The following EIF4ENIF1 variants were observed in gnomAD, a reference collection of about 807,000 sequenced individuals.
The protein encoded by EIF4ENIF1 is eukaryotic translation initiation factor 4E nuclear import factor 1.
EIF4ENIF1 carries 23 observed loss-of-function variants against 110.5 expected under a neutral mutation model. The ratio of observed to expected loss-of-function variants is 0.21; its 90% CI spans 0.15 to 0.29. EIF4ENIF1 has a LOEUF of 0.29. Among genes scored for constraint, EIF4ENIF1 ranks in the 10% least tolerant of loss-of-function variants. The pLI is 1.00. For missense variants in EIF4ENIF1, 1,031 were observed against 1,221.1 expected, an observed-to-expected ratio of 0.84 and a Z score of 2.32; for synonymous variants, 440 against 437.0, an observed-to-expected ratio of 1.01 and a Z score of -0.09.
intron 4 of EIF4ENIF1, among the ~76,000 whole-genome samples, chr22:31,466,523 A>G (rs1166452294): frequency 1.3e-5 from 2 of 151,720 alleles, no homozygotes; most frequent in Non-Finnish European, 1.5e-5. Context: ...CAGAGGTTGC[A>G]GTAAGCAGAG....
chr22:31,440,382 G>A (rs2050253720), intron 18 of EIF4ENIF1, among the ~76,000 whole-genome samples: 1 of 152,120 alleles, frequency 6.6e-6, no homozygotes, highest in South Asian at 2.1e-4. Context: ...CATCACAGAA[G>A]CAGCAACATG....
Position 31,449,482 on chromosome 22 carries a change from C to G in EIF4ENIF1, c.1634G>C (p.Ser545Thr), listed in dbSNP as rs748652326. 9 of 1,614,082 alleles carry G rather than the reference C, an allele frequency of 5.6e-6. No individual in the cohort carries two copies. The Admixed American group carries it at 1.2e-4, about 21-fold the overall frequency. Residue 545 changes from serine to threonine, a missense_variant, in exon 12 of 19, where the codon AGT becomes ACT. Ser to Thr is a moderately conservative substitution (Grantham distance 58, BLOSUM62 1). Transcript: ENST00000330125. The stretch of plus-strand genomic sequence containing the variant: ...AGGCTCCAAGCTCCCCATAAGGCCA[C>G]TCAGAAGATTGGAAGAAGCAGGTCT... ...VQRPASSNLL[S>T]GLMGSLEPTT...
intron 4 of EIF4ENIF1, 125 bp from the exon 5 acceptor site, chr22:31,464,092 G>T: frequency 7.8e-7 from 1 of 1,285,934 alleles, no homozygotes. Flanking sequence ...ACTAAAATTG[G>T]GCTTATCAGC....
At position 31,446,881 on chromosome 22, in the gene EIF4ENIF1, C is replaced by T. The variant is rs181528599; in HGVS notation, c.1988+545G>A. 2.6e-5 allele frequency: 8 copies of T among 306,800 alleles called. No homozygotes were observed. The East Asian group carries it at 5.2e-4, about 20-fold the overall frequency. The allele number at this position is 306,800 out of a possible 1,614,324, so 19.0% of individuals were successfully genotyped here. On this transcript the variant is annotated intron_variant, in intron 14 of 18. Coordinates refer to ENST00000330125, the MANE Select transcript of EIF4ENIF1 (RefSeq NM_019843.4). ...TCATTTTACCATTTGTTGCAACTAT[C>T]GAAAAAGAGAAGAGTGAACTCAGTA...
chr22:31,479,374 T>TC (rs2051723579), intron 2 of EIF4ENIF1: 2 of 148,272 alleles, frequency 1.3e-5, no homozygotes, highest in Non-Finnish European at 3.0e-5. Flanking sequence ...AGAAGAGTCT[T>TC]TTTTTTTTTT....
chr22:31,472,477 C>T (rs1411950517), intron 2 of EIF4ENIF1, among the ~76,000 whole-genome samples: 3 of 152,078 alleles, frequency 2.0e-5, no homozygotes, highest in African/African-American at 4.8e-5. Context: ...CCATGTTGGC[C>T]GGGCTGGTCT....
rs1299290537 is a variant in EIF4ENIF1, at chr22:31,462,983, C to G, written c.736G>C (p.Asp246His). Reference sequence around the variant, plus strand: ...CTTGTTCTTTTTCTCCCTTTGTGATCTTCTTCTAGTATCTTATCATCAAAG... The same window carrying G: ...CTTGTTCTTTTTCTCCCTTTGTGATGTTCTTCTAGTATCTTATCATCAAAG... ...TGFDDKILEE[D>H]HKGRKRTRRR... Residue 246 changes from aspartate (D) to histidine (H), a missense_variant, in exon 6 of 19, where the codon GAT becomes CAT. This residue lies in a region of EIF4ENIF1 where 704 missense variants were observed against 879.7 expected (regional missense o/e 0.80). Transcript: ENST00000330125. 1 of 1,614,126 alleles carries G rather than the reference C, an allele frequency of 6.2e-7. No homozygotes were observed. The highest frequency in any genetic ancestry group is 8.5e-7 in the Non-Finnish European group (1 of 1,180,012).
At position 31,463,815 on chromosome 22, in the gene EIF4ENIF1, C is replaced by G; in HGVS notation, c.451G>C (p.Gly151Arg). The change falls in exon 5 of 19, where the codon GGT (glycine) becomes CGT (arginine). Residue 151 changes from glycine (G) to arginine (R), a missense_variant. By Grantham distance (125) the Gly-to-Arg change is moderately radical. Coordinates refer to ENST00000330125, the MANE Select transcript of EIF4ENIF1 (RefSeq NM_019843.4). Reference protein sequence around the residue: ...EKDSDGLRLLGGRRIGSGRII... With the variant: ...EKDSDGLRLLRGRRIGSGRII... ...CTCCCACTGCCAATCCTACGTCCAC[C>G]AAGCAGACGAAGCCCATCACTATCT... 1 of 1,614,112 alleles carries G rather than the reference C, an allele frequency of 6.2e-7. No individual in the cohort carries two copies. The highest frequency in any genetic ancestry group is 8.5e-7 in the Non-Finnish European group (1 of 1,180,042).
intron 2 of EIF4ENIF1, among the ~76,000 whole-genome samples, chr22:31,484,186 C>T (rs1177336173): frequency 6.6e-6 from 1 of 152,032 alleles, no homozygotes; most frequent in Admixed American, 6.6e-5. Flanking sequence ...ATCTTCAGGA[C>T]CACCCCTGCT....
At chr22:31,484,691 G>C (rs562470978) in intron 2 of EIF4ENIF1, among the ~76,000 whole-genome samples, 1 of 152,130 alleles carries the variant, frequency 6.6e-6, no homozygotes, top group African/African-American at 2.4e-5. Flanking sequence ...AAAATTAGCC[G>C]GGCGTGGTGG....
intron 2 of EIF4ENIF1, among the ~76,000 whole-genome samples, chr22:31,481,214 G>C (rs1233848170): frequency 1.3e-5 from 2 of 152,106 alleles, no homozygotes; most frequent in Non-Finnish European, 2.9e-5. Context: ...CCATGCTGGA[G>C]TGCAATGGTG....
chr22:31,448,846 A>C (rs1465901703), intron 12 of EIF4ENIF1, among the ~76,000 whole-genome samples: 4 of 152,222 alleles, frequency 2.6e-5, no homozygotes, highest in Non-Finnish European at 5.9e-5. Context: ...GAAAAACTTA[A>C]GAAGCCAAAT....
Position 31,441,812 on chromosome 22 carries a change from C to T in EIF4ENIF1, c.2513G>A (p.Gly838Glu). 2.5e-6 allele frequency: 4 copies of T among 1,613,910 alleles called. No homozygotes were observed. Among genetic ancestry groups the T allele is most frequent in the Non-Finnish European group, 3.4e-6 (4 of 1,179,926 alleles). Residue 838 changes from glycine to glutamate, a missense_variant, in exon 17 of 19, where the codon GGA becomes GAA. Around this residue, in one of 3 missense-constraint regions of EIF4ENIF1, gnomAD observed 309 missense variants for 299.1 expected, o/e 1.03. Coordinates refer to ENST00000330125, the MANE Select transcript of EIF4ENIF1 (RefSeq NM_019843.4). ...ACTTGGAAGATGCTGTGGATGTACT[C>T]CCTGGGCCAGCATCCTCTGTACCAA... ...PGLVQRMLAQ[G>E]VHPQHLPSLL...
At chr22:31,464,809 A>G (rs1490936094) in intron 4 of EIF4ENIF1, among the ~76,000 whole-genome samples, 1 of 148,916 alleles carries the variant, frequency 6.7e-6, no homozygotes, top group Non-Finnish European at 1.5e-5. Flanking sequence ...AGAACAAAAT[A>G]TAGGAGGAAA....
chr22:31,456,514 C>T (rs1264402270), intron 7 of EIF4ENIF1, among the ~76,000 whole-genome samples: 2 of 151,996 alleles, frequency 1.3e-5, no homozygotes, highest in East Asian at 3.9e-4. Flanking sequence ...TGAGCCACCA[C>T]ACCCGGTCTA....
chr22:31,490,057 A>G (rs892854451), upstream of EIF4ENIF1: 1 of 152,230 alleles, frequency 6.6e-6, no homozygotes, highest in Non-Finnish European at 1.5e-5. Context: ...GGAGGAGGCC[A>G]CGGTGGGGAT....
At position 31,455,713 on chromosome 22, in the gene EIF4ENIF1, A is replaced by G. The variant is rs2050793965; in HGVS notation, c.1099+139T>C. The stretch of plus-strand genomic sequence containing the variant: ...GCACCCGGCCCCTTCAACAATATTA[A>G]AAGGACACAAATTGAAGGCTTTTCA... On this transcript the variant is annotated intron_variant, in intron 8 of 18. Transcript: ENST00000330125. 6 of 1,183,362 alleles carry G rather than the reference A, an allele frequency of 5.1e-6. No homozygotes were observed. The Admixed American group carries it at 9.7e-5, about 19-fold the overall frequency. 73.3% of individuals were successfully genotyped at this position (1,183,362 alleles called of 1,614,324 possible). A position where few individuals can be genotyped will look rare whatever the true frequency, so the allele number is the denominator to read the frequency against.
rs2050766898 is a variant in EIF4ENIF1 at position 31,454,770 on chromosome 22, A to G, written c.1279+366T>C. Among the ~76,000 whole-genome samples the G allele has an allele frequency of 2.6e-5, 4 of 152,178 alleles. No homozygotes were observed. The South Asian group carries it at 8.3e-4, about 32-fold the overall frequency. ...GTGGTCATTATATCACTAAGTTTTT[A>G]TGTTGAGAATTTATAGCCTAAGCAA... On this transcript the variant is annotated intron_variant, in intron 9 of 18. Coordinates refer to ENST00000330125, the MANE Select transcript of EIF4ENIF1 (RefSeq NM_019843.4).
rs558884075 is a variant in EIF4ENIF1 at position 31,466,539 on chromosome 22, G to A, written c.298+1636C>T. Among the ~76,000 whole-genome samples, 208 of 149,550 alleles carry A rather than the reference G, an allele frequency of 1.4e-3. 2 individuals carry two copies. Among genetic ancestry groups the A allele is most frequent in the Middle Eastern group, 6.9e-3 (2 of 290 alleles). ...AGAGGTTGCAGTAAGCAGAGACCAC[G>A]CCACTGTACTCCAGCCTAGGCAACA... On this transcript the variant is annotated intron_variant, in intron 4 of 18. Transcript: ENST00000330125.
Sources: allele counts gnomAD v4.1 joint callset (sites outside exome capture counted in the v4.1 genomes callset), GRCh38; gene constraint gnomAD v4.1.1; regional missense constraint gnomAD v4.1.1; transcripts MANE v1.5; gene names NCBI Gene and HGNC (gene_info 2026-07-23, HGNC 2026-07-21).